ADGRD1: variants seen among roughly 807,000 people sequenced by gnomAD.
ADGRD1 encodes the protein adhesion G protein-coupled receptor D1.
In ADGRD1, 77 loss-of-function variants were observed where a neutral mutation model predicts 113.4. That is an observed-to-expected ratio of 0.68 (90% CI 0.57 to 0.82). ADGRD1 has a LOEUF of 0.82. ADGRD1 is among the 40% of genes least tolerant of loss of function. The pLI is 0.00. For synonymous variants in ADGRD1, 474 were observed against 475.0 expected (o/e 1.00, Z 0.03); for missense variants, 1,036 against 1,139.1 (o/e 0.91, Z 1.30).
Position 130,994,291 on chromosome 12 carries a change from ACT to A in ADGRD1, c.966+1902_966+1903del, listed in dbSNP as rs757205131. Reference sequence around the variant, plus strand: ...CAGTAAGTGCTTTATTAATACGAACACTCTTGTTTTTGTTGAGATGGGCTACA... The same window carrying A: ...CAGTAAGTGCTTTATTAATACGAACACTTGTTTTTGTTGAGATGGGCTACA... On this transcript the variant is annotated intron_variant, in intron 8 of 24. Transcript: ENST00000261654. The A allele has an allele frequency of 1.8e-4, 81 of 443,500 alleles. 3 individuals carry two copies. Among genetic ancestry groups the A allele is most frequent in the South Asian group, 1.2e-3 (76 of 62,616 alleles). The allele number at this position is 443,500 out of a possible 1,614,324, so 27.5% of individuals were successfully genotyped here.
At chr12:131,035,703 C>T (rs769740310) in intron 13 of ADGRD1, among the ~76,000 whole-genome samples, 29 of 152,128 alleles carry the variant, frequency 1.9e-4, no homozygotes, top group Non-Finnish European at 4.0e-4. Context: ...CAATCACTGA[C>T]ATAGTATGAT....
chr12:131,092,749 C>T (rs755254541), intron 15 of ADGRD1, among the ~76,000 whole-genome samples: 25 of 152,182 alleles, frequency 1.6e-4, no homozygotes, highest in Non-Finnish European at 3.2e-4. Flanking sequence ...TTCAATAGGA[C>T]GGTCATGAAC....
chr12:131,119,185 C>T (rs879383031), intron 19 of ADGRD1, among the ~76,000 whole-genome samples: 7 of 152,200 alleles, frequency 4.6e-5, no homozygotes, highest in South Asian at 2.1e-4. Flanking sequence ...TAAATATTGA[C>T]GGTGCTTACA....
At chr12:131,117,098 G>C (rs962631028) in intron 18 of ADGRD1, among the ~76,000 whole-genome samples, 5 of 152,214 alleles carry the variant, frequency 3.3e-5, no homozygotes, top group Non-Finnish European at 7.3e-5. Flanking sequence ...GTAGAGGCCA[G>C]TTCAGATTTG....
chr12:130,996,296 C>T (rs943141830), intron 8 of ADGRD1, among the ~76,000 whole-genome samples: 13 of 146,810 alleles, frequency 8.9e-5, no homozygotes, highest in Non-Finnish European at 1.8e-4. Context: ...GTTGGGTACA[C>T]CTCCCAGACG....
intron 13 of ADGRD1, among the ~76,000 whole-genome samples, chr12:131,040,607 G>A (rs934330635): frequency 2.6e-5 from 4 of 152,252 alleles, no homozygotes; most frequent in African/African-American, 7.2e-5. Flanking sequence ...GGCCTGGGCC[G>A]GGCAGCTCAG....
intron 20 of ADGRD1, among the ~76,000 whole-genome samples, chr12:131,124,818 G>A (rs1456789628): frequency 6.6e-6 from 1 of 152,198 alleles, no homozygotes; most frequent in Admixed American, 6.5e-5. Flanking sequence ...TCATTCACTC[G>A]GTGATTCTAG....
intron 13 of ADGRD1, among the ~76,000 whole-genome samples, chr12:131,016,857 C>T (rs905501446): frequency 5.3e-5 from 8 of 150,496 alleles, no homozygotes; most frequent in Middle Eastern, 3.5e-3. Flanking sequence ...CGGGCCAGTG[C>T]GTTCCAGCCT....
At position 131,060,397 on chromosome 12, in the gene ADGRD1, A is replaced by G. The variant is rs1270465510; in HGVS notation, c.1474-16404A>G. ...GACATATCAGATCAAATAGCTCAGG[A>G]GGCAAATAATCCACGCAGGCAGCGA... On this transcript the variant is annotated intron_variant, in intron 13 of 24. Transcript: ENST00000261654. The surrounding 1 kb of genome is among the most constrained non-coding windows in gnomAD (Gnocchi z 4.4). 6.6e-6 allele frequency among the ~76,000 whole-genome samples: 1 copy of G among 152,182 alleles called. No individual in the cohort carries two copies. The highest frequency in any genetic ancestry group is 1.5e-5 in the Non-Finnish European group (1 of 68,018).
chr12:131,013,454 GT>G (rs1566029310), intron 12 of ADGRD1, among the ~76,000 whole-genome samples: 1 of 152,056 alleles, frequency 6.6e-6, no homozygotes. Context: ...GAGAATGAGG[GT>G]CTTTGAGCCC....
chr12:130,997,058 G>C (rs1875564677), intron 8 of ADGRD1, among the ~76,000 whole-genome samples: 1 of 128,960 alleles, frequency 7.8e-6, no homozygotes. Context: ...CAGGCAGAGG[G>C]GCTCCTCACT....
At chr12:131,089,060 C>T (rs2137239629) in intron 15 of ADGRD1, among the ~76,000 whole-genome samples, 1 of 152,342 alleles carries the variant, frequency 6.6e-6, no homozygotes, top group South Asian at 2.1e-4. Flanking sequence ...AGTCTGCAAA[C>T]ATCAGCTCGC....
At chr12:131,035,851 A>C (rs536979554) in intron 13 of ADGRD1, among the ~76,000 whole-genome samples, 6 of 152,240 alleles carry the variant, frequency 3.9e-5, no homozygotes, top group Admixed American at 1.3e-4. Context: ...TTATAAGTGG[A>C]AATTATAATG....
intron 21 of ADGRD1, among the ~76,000 whole-genome samples, chr12:131,132,223 C>T (rs993755692): frequency 2.0e-5 from 3 of 152,184 alleles, no homozygotes; most frequent in Admixed American, 6.5e-5. Flanking sequence ...ACGTGCAGAA[C>T]GGGATGATAA....
At chr12:131,052,320 C>T (rs775686099) in intron 13 of ADGRD1, among the ~76,000 whole-genome samples, 32 of 152,200 alleles carry the variant, frequency 2.1e-4, no homozygotes, top group Non-Finnish European at 4.4e-4. Flanking sequence ...TGGGTGGGCA[C>T]CTGCTGGCTT....
chr12:131,053,293 A>G (rs1354734437), intron 13 of ADGRD1, among the ~76,000 whole-genome samples: 1 of 152,116 alleles, frequency 6.6e-6, no homozygotes, highest in Non-Finnish European at 1.5e-5. Context: ...TGCTGTGAAC[A>G]TTTGCACCCT....
At chr12:131,031,675 GA>G (rs1263677373) in intron 13 of ADGRD1, among the ~76,000 whole-genome samples, 1 of 151,954 alleles carries the variant, frequency 6.6e-6, no homozygotes, top group Non-Finnish European at 1.5e-5. Flanking sequence ...CATTGTACTG[GA>G]CCCCCAGGGC....
At chr12:131,001,941 C>T (rs1213141436) in intron 9 of ADGRD1, among the ~76,000 whole-genome samples, 1 of 152,116 alleles carries the variant, frequency 6.6e-6, no homozygotes, top group Non-Finnish European at 1.5e-5. Flanking sequence ...TTAGAGTTTA[C>T]ATTTGATAAA....
At chr12:131,095,646 C>T (rs1462309008) in intron 15 of ADGRD1, among the ~76,000 whole-genome samples, 1 of 152,078 alleles carries the variant, frequency 6.6e-6, no homozygotes, top group Non-Finnish European at 1.5e-5. Flanking sequence ...ATAGCCCGGC[C>T]GAGGGATCGG....
Sources: allele counts gnomAD v4.1 joint callset (sites outside exome capture counted in the v4.1 genomes callset), GRCh38; gene constraint gnomAD v4.1.1; non-coding constraint Gnocchi (gnomAD v3.1); transcripts MANE v1.5; gene names NCBI Gene and HGNC (gene_info 2026-07-23, HGNC 2026-07-21).